FHIT: variants seen among roughly 807,000 people sequenced by gnomAD.
FHIT encodes the protein fragile histidine triad diadenosine triphosphatase.
A neutral mutation model predicts 17.9 loss-of-function variants in FHIT; 19 were observed. The observed-to-expected ratio is 1.06, with a 90% confidence interval of 0.74 to 1.56. FHIT has a LOEUF of 1.56. Among genes scored for constraint, FHIT ranks in the 40% most tolerant of loss-of-function variants. The pLI is 0.00. For missense variants in FHIT, 248 were observed against 189.2 expected (o/e 1.31, Z -1.82); for synonymous variants, 81 against 69.7 (o/e 1.16, Z -0.81).
chr3:60,797,443 A>G (rs1452117363), intron 4 of FHIT, among the ~76,000 whole-genome samples: 1 of 139,734 alleles, frequency 7.2e-6, no homozygotes, highest in African/African-American at 2.7e-5. Flanking sequence ...AGATTCTGGC[A>G]TAAAGAAATT....
At chr3:59,826,761 A>G (rs932923331) in intron 8 of FHIT, among the ~76,000 whole-genome samples, 3 of 152,244 alleles carry the variant, frequency 2.0e-5, no homozygotes, top group Non-Finnish European at 4.4e-5. Flanking sequence ...CTTATCATCA[A>G]TGTAACAATT....
intron 8 of FHIT, among the ~76,000 whole-genome samples, chr3:59,862,782 G>A (rs1381781303): frequency 1.3e-5 from 2 of 152,164 alleles, no homozygotes; most frequent in Non-Finnish European, 1.5e-5. Flanking sequence ...GTGGGCAAGA[G>A]GGACTCCGTT....
intron 5 of FHIT, among the ~76,000 whole-genome samples, chr3:60,194,071 C>T (rs957381865): frequency 6.6e-6 from 1 of 152,010 alleles, no homozygotes; most frequent in Non-Finnish European, 1.5e-5. Context: ...ATTTTTTTCA[C>T]AGAAATAGAA....
At chr3:61,101,597 ACTGGTAG>A (rs1240460580) in intron 2 of FHIT, among the ~76,000 whole-genome samples, 2 of 152,174 alleles carry the variant, frequency 1.3e-5, no homozygotes, top group African/African-American at 2.4e-5. Context: ...GAAGAAAGTC[ACTGGTAG>A]CTTGATGGGG....
chr3:60,206,560 A>C (rs746288200), intron 5 of FHIT, among the ~76,000 whole-genome samples: 11 of 152,210 alleles, frequency 7.2e-5, no homozygotes, highest in Non-Finnish European at 1.5e-4. Context: ...ATCACAGCTA[A>C]GCTCTCTAAG....
At position 61,028,185 on chromosome 3, in the gene FHIT, T is replaced by C. The variant is rs1325483352; in HGVS notation, c.-111+13862A>G. Among the ~76,000 whole-genome samples the C allele has an allele frequency of 2.0e-5, 3 of 152,188 alleles. No individual in the cohort carries two copies. In the East Asian group the frequency reaches 5.8e-4, roughly 29 times the overall value. On this transcript the variant is annotated intron_variant, in intron 3 of 9. Transcript: ENST00000492590. ...CACAATGATGAAGTAGGCTCATAGC[T>C]TCAAGTTCCACCATTATTACAGAAA...
chr3:61,216,712 C>T (rs1211370370), intron 1 of FHIT, among the ~76,000 whole-genome samples: 1 of 152,150 alleles, frequency 6.6e-6, no homozygotes, highest in Non-Finnish European at 1.5e-5. Context: ...TATTGCAGCA[C>T]TATTCACAAT....
chr3:60,975,377 T>C (rs1189370891), intron 3 of FHIT, among the ~76,000 whole-genome samples: 3 of 152,188 alleles, frequency 2.0e-5, no homozygotes, highest in Non-Finnish European at 4.4e-5. Context: ...TTAAAGGATA[T>C]ATGAAATATT....
intron 8 of FHIT, among the ~76,000 whole-genome samples, chr3:59,753,961 T>G (rs1422350224): frequency 6.6e-6 from 1 of 152,076 alleles, no homozygotes; most frequent in African/African-American, 2.4e-5. Context: ...ACGATTAAAA[T>G]ATCGACTTTT....
chr3:60,862,678 C>T (rs1553752938), intron 3 of FHIT, among the ~76,000 whole-genome samples: 2 of 151,778 alleles, frequency 1.3e-5, no homozygotes, highest in East Asian at 3.9e-4. Context: ...GGTGAAACCC[C>T]CTGTCTCTAC....
intron 7 of FHIT, among the ~76,000 whole-genome samples, chr3:60,007,955 C>T (rs942718925): frequency 1.3e-5 from 2 of 152,134 alleles, no homozygotes; most frequent in Non-Finnish European, 2.9e-5. Context: ...CTGTAGTTTT[C>T]TCAGTTTCCT....
intron 8 of FHIT, among the ~76,000 whole-genome samples, chr3:59,866,002 G>T (rs1457127758): frequency 6.6e-6 from 1 of 152,166 alleles, no homozygotes; most frequent in East Asian, 1.9e-4. Flanking sequence ...CATGAAATAT[G>T]GTTCTCCTGT....
At chr3:60,632,745 A>G (rs1423799587) in intron 4 of FHIT, among the ~76,000 whole-genome samples, 1 of 152,174 alleles carries the variant, frequency 6.6e-6, no homozygotes, top group Non-Finnish European at 1.5e-5. Flanking sequence ...TAATGTAAAT[A>G]AATTTTCTAA....
Position 60,276,723 on chromosome 3 carries a change from T to C in FHIT, c.103+260137A>G, listed in dbSNP as rs144936889. Among the ~76,000 whole-genome samples the C allele has an allele frequency of 5.4e-3, 817 of 152,228 alleles. 4 individuals are homozygous for C. Among genetic ancestry groups the C allele is most frequent in the Non-Finnish European group, 9.3e-3 (633 of 68,020 alleles). On this transcript the variant is annotated intron_variant, in intron 5 of 9. Transcript: ENST00000492590. The stretch of plus-strand genomic sequence containing the variant: ...CTGTATAGGAAGCATAACACTAGCA[T>C]CTGTTTGGCCTCTGGTGAGGGCCTT...
chr3:60,267,986 G>A (rs369208610), intron 5 of FHIT, among the ~76,000 whole-genome samples: 4 of 152,108 alleles, frequency 2.6e-5, no homozygotes, highest in East Asian at 1.9e-4. Context: ...AAATGACTTC[G>A]TGCAATCACT....
Position 60,436,942 on chromosome 3 carries a change from T to G in FHIT, c.103+99918A>C, listed in dbSNP as rs567457284. Reference sequence around the variant, plus strand: ...CTTCACAAAATGTTTTGCTGTGAATTAAACTACACAGCCTACAGGAAAAGA... The same window carrying G: ...CTTCACAAAATGTTTTGCTGTGAATGAAACTACACAGCCTACAGGAAAAGA... On this transcript the variant is annotated intron_variant, in intron 5 of 9. Coordinates refer to ENST00000492590, the MANE Select transcript of FHIT (RefSeq NM_002012.4). 1.1e-3 allele frequency among the ~76,000 whole-genome samples: 168 copies of G among 152,224 alleles called. 3 individuals are homozygous for G. The highest frequency in any genetic ancestry group is 3.7e-3 in the African/African-American group (153 of 41,550).
chr3:60,074,245 A>C (rs1175992812), intron 5 of FHIT, among the ~76,000 whole-genome samples: 1 of 152,110 alleles, frequency 6.6e-6, no homozygotes, highest in African/African-American at 2.4e-5. Flanking sequence ...CATGAGTTTT[A>C]TGAAACAGTT....
intron 3 of FHIT, among the ~76,000 whole-genome samples, chr3:60,979,752 A>G (rs1014773016): frequency 6.6e-6 from 1 of 151,854 alleles, no homozygotes; most frequent in African/African-American, 2.4e-5. Context: ...CCCTGCCATC[A>G]CCCCCTCTGT....
chr3:60,932,724 T>C (rs554241025), intron 3 of FHIT, among the ~76,000 whole-genome samples: 2 of 152,328 alleles, frequency 1.3e-5, no homozygotes, highest in Non-Finnish European at 2.9e-5. Flanking sequence ...CCCTTAAATC[T>C]ACCCACACCT....
Sources: allele counts gnomAD v4.1 joint callset (sites outside exome capture counted in the v4.1 genomes callset), GRCh38; gene constraint gnomAD v4.1.1; transcripts MANE v1.5; gene names NCBI Gene and HGNC (gene_info 2026-07-23, HGNC 2026-07-21).